Variants in ZNF423 observed in about 807,000 individuals in gnomAD.
The protein encoded by ZNF423 is Ebf-associated zinc finger protein.
A neutral mutation model predicts 95.8 loss-of-function variants in ZNF423; 12 were observed. The observed-to-expected ratio is 0.13, with a 90% CI of 0.08 to 0.20. The LOEUF is 0.20. Among genes scored for constraint, ZNF423 ranks in the 10% least tolerant of loss-of-function variants. The pLI is 1.00. For synonymous variants in ZNF423, 749 were observed against 711.9 expected, an observed-to-expected ratio of 1.05 and a Z score of -0.83; for missense variants, 1,316 against 1,737.1, an observed-to-expected ratio of 0.76 and a Z score of 4.31.
chr16:49,558,776 C>G (rs1448062908), intron 5 of ZNF423, among the ~76,000 whole-genome samples: 1 of 152,216 alleles, frequency 6.6e-6, no homozygotes, highest in Non-Finnish European at 1.5e-5. Flanking sequence ...CTTTCAACCT[C>G]CAGAAGACAT....
rs1969364743 is a variant in ZNF423, at chr16:49,544,334, C to T, written c.3602-18840G>A. 3.9e-5 allele frequency among the ~76,000 whole-genome samples: 6 copies of T among 152,344 alleles called. No individual in the cohort carries two copies. In the South Asian group the frequency reaches 1.2e-3, roughly 32 times the overall value. Reference sequence around the variant, plus strand: ...GTTCTATTTCTGCAAACTCATCAAGCTGTGCACTTAAGAGGTGTGCATCTC... The same window carrying T: ...GTTCTATTTCTGCAAACTCATCAAGTTGTGCACTTAAGAGGTGTGCATCTC... On this transcript the variant is annotated intron_variant, in intron 5 of 7. Transcript: ENST00000563137.
intron 5 of ZNF423, among the ~76,000 whole-genome samples, chr16:49,606,314 G>A (rs945613987): frequency 6.6e-6 from 1 of 151,948 alleles, no homozygotes; most frequent in Non-Finnish European, 1.5e-5. Flanking sequence ...GAAGACACAC[G>A]CTGGACCTAG....
intron 3 of ZNF423, among the ~76,000 whole-genome samples, chr16:49,722,055 CCCA>C (rs1486809276): frequency 6.6e-6 from 1 of 152,102 alleles, no homozygotes; most frequent in Non-Finnish European, 1.5e-5. Context: ...GAAACAAGTC[CCCA>C]CCACCACCAC....
chr16:49,607,069 AT>A (rs56023806), intron 5 of ZNF423, among the ~76,000 whole-genome samples: 278 of 140,948 alleles, frequency 2.0e-3, no homozygotes, highest in Middle Eastern at 3.6e-3. Flanking sequence ...AATGTTTTGG[AT>A]TTTTTTTTTT....
chr16:49,497,226 T>G (rs1416000414), intron 7 of ZNF423, among the ~76,000 whole-genome samples: 2 of 152,162 alleles, frequency 1.3e-5, no homozygotes, highest in Non-Finnish European at 2.9e-5. Context: ...CGCCCATCTA[T>G]TCATCTATCC....
chr16:49,571,387 A>G (rs988108199), intron 5 of ZNF423, among the ~76,000 whole-genome samples: 1 of 152,160 alleles, frequency 6.6e-6, no homozygotes, highest in Non-Finnish European at 1.5e-5. Flanking sequence ...ATGGATGCCC[A>G]GGAGGGTAGA....
chr16:49,615,486 C>T (rs1410370482), intron 5 of ZNF423, among the ~76,000 whole-genome samples: 3 of 151,938 alleles, frequency 2.0e-5, no homozygotes, highest in Admixed American at 2.0e-4. Context: ...AGGGTGGAAA[C>T]AGGGAGAAGT....
chr16:49,504,373 C>A (rs1024857927), intron 7 of ZNF423, among the ~76,000 whole-genome samples: 1 of 152,182 alleles, frequency 6.6e-6, no homozygotes, highest in African/African-American at 2.4e-5. Flanking sequence ...CTTGAGGCCA[C>A]GAGTTCGATA....
intron 5 of ZNF423, among the ~76,000 whole-genome samples, chr16:49,541,684 G>A (rs1024896484): frequency 1.3e-5 from 2 of 152,164 alleles, no homozygotes; most frequent in Non-Finnish European, 2.9e-5. Flanking sequence ...CACCTGTCAA[G>A]GGCGGGACCA....
chr16:49,532,940 G>A (rs1968908853), intron 5 of ZNF423, among the ~76,000 whole-genome samples: 1 of 152,198 alleles, frequency 6.6e-6, no homozygotes, highest in African/African-American at 2.4e-5. Context: ...GAAAGGGGGA[G>A]ACCGAATGCC....
chr16:49,598,620 G>A (rs1319139628), intron 5 of ZNF423, among the ~76,000 whole-genome samples: 1 of 152,238 alleles, frequency 6.6e-6, no homozygotes, highest in African/African-American at 2.4e-5. Context: ...GCATTCCACT[G>A]TACAGGAAAC....
At chr16:49,766,772 C>T (rs1214565065) in intron 2 of ZNF423, among the ~76,000 whole-genome samples, 1 of 152,184 alleles carries the variant, frequency 6.6e-6, no homozygotes, top group Non-Finnish European at 1.5e-5. Context: ...AGGCCAGGCT[C>T]ATCACAGCAC....
At chr16:49,642,435 C>G (rs1973006310) in intron 3 of ZNF423, among the ~76,000 whole-genome samples, 1 of 152,208 alleles carries the variant, frequency 6.6e-6, no homozygotes, top group Non-Finnish European at 1.5e-5. Flanking sequence ...GGCTGCTTGG[C>G]TTTATTTTTC....
intron 7 of ZNF423, among the ~76,000 whole-genome samples, chr16:49,501,660 T>G (rs547167532): frequency 6.7e-6 from 1 of 148,824 alleles, no homozygotes; most frequent in South Asian, 2.1e-4. Flanking sequence ...ATAATGAAAA[T>G]GTGGTACATA....
intron 1 of ZNF423, among the ~76,000 whole-genome samples, chr16:49,799,917 G>C (rs546286004): frequency 6.6e-6 from 1 of 152,164 alleles, no homozygotes; most frequent in South Asian, 2.1e-4. Context: ...AGCCTCCTGC[G>C]TAGCTAGGAC....
intron 3 of ZNF423, among the ~76,000 whole-genome samples, chr16:49,664,837 G>T (rs906868624): frequency 1.3e-5 from 2 of 152,232 alleles, no homozygotes; most frequent in East Asian, 1.9e-4. Flanking sequence ...GAGCTAGGAG[G>T]GGCCAGGCAG....
intron 2 of ZNF423, among the ~76,000 whole-genome samples, chr16:49,755,433 C>A (rs1028286827): frequency 1.3e-5 from 2 of 152,284 alleles, no homozygotes; most frequent in African/African-American, 4.8e-5. Flanking sequence ...TTCATTTCTG[C>A]TCTCTGAGGA....
chr16:49,602,790 A>T (rs1381632011), intron 5 of ZNF423, among the ~76,000 whole-genome samples: 1 of 152,118 alleles, frequency 6.6e-6, no homozygotes, highest in Non-Finnish European at 1.5e-5. Context: ...GCTCCGCAAA[A>T]GTCTCCAAAC....
At chr16:49,740,646 C>T (rs1159586010) in intron 2 of ZNF423, among the ~76,000 whole-genome samples, 1 of 152,188 alleles carries the variant, frequency 6.6e-6, no homozygotes, top group South Asian at 2.1e-4. Context: ...GGGGAGACCC[C>T]GGTGTCCCTA....
Sources: allele counts gnomAD v4.1 joint callset (sites outside exome capture counted in the v4.1 genomes callset), GRCh38; gene constraint gnomAD v4.1.1; transcripts MANE v1.5; gene names NCBI Gene and HGNC (gene_info 2026-07-23, HGNC 2026-07-21).